The following ZNF292 variants were observed in gnomAD, a reference collection of about 807,000 sequenced individuals.
The protein encoded by ZNF292 is 16 zinc-finger domain protein.
In ZNF292, 26 loss-of-function variants were observed where a neutral mutation model predicts 217.9. That is an observed-to-expected ratio of 0.12 (90% CI 0.09 to 0.17). The LOEUF (loss-of-function observed/expected upper bound fraction) is 0.17. ZNF292 is among the 10% of genes least tolerant of loss of function. The probability of loss-of-function intolerance (pLI) is 1.00; values close to 1 mark genes in which losing one functional copy is unlikely to be tolerated. For missense variants in ZNF292, 2,904 were observed against 3,175.2 expected (o/e 0.91, Z 2.05); for synonymous variants, 1,257 against 1,124.1 (o/e 1.12, Z -2.37).
chr6:87,208,500 G>A (rs547072047), intron 1 of ZNF292, among the ~76,000 whole-genome samples: 1 of 151,638 alleles, frequency 6.6e-6, no homozygotes, highest in African/African-American at 2.4e-5. Flanking sequence ...GTTTTTGTTC[G>A]TAGATGTAAT....
Position 87,258,883 on chromosome 6 carries a change from A to T in ZNF292, c.5254A>T (p.Ile1752Leu). Reference protein sequence around the residue: ...SDLQISEDNVIQNFEKTLEII... With the variant: ...SDLQISEDNVLQNFEKTLEII... The stretch of plus-strand genomic sequence containing the variant: ...TTTGCAGATTTCTGAAGACAATGTT[A>T]TACAAAACTTTGAAAAGACTCTTGA... Residue 1752 changes from isoleucine (I) to leucine (L), a missense_variant, in exon 8 of 8, where the codon ATA becomes TTA. Ile to Leu is a conservative substitution (Grantham distance 5). Transcript: ENST00000369577. 1.9e-6 allele frequency: 3 copies of T among 1,607,544 alleles called. No homozygotes were observed. The highest frequency in any genetic ancestry group is 1.7e-6 in the Non-Finnish European group (2 of 1,176,310).
chr6:87,174,022 T>C, intron 1 of ZNF292: 1 of 260,328 alleles, frequency 3.8e-6, no homozygotes, highest in Non-Finnish European at 7.7e-6. Context: ...TCCTTGATCA[T>C]CATAAATATC....
At chr6:87,177,258 C>T (rs1032493764) in intron 1 of ZNF292, among the ~76,000 whole-genome samples, 3 of 150,302 alleles carry the variant, frequency 2.0e-5, no homozygotes, top group Admixed American at 1.3e-4. Flanking sequence ...ACCTGGGAGG[C>T]GGAGTTTGCA....
intron 1 of ZNF292, among the ~76,000 whole-genome samples, chr6:87,193,032 G>A (rs184612521): frequency 1.9e-3 from 289 of 152,268 alleles, no homozygotes; most frequent in African/African-American, 6.8e-3. Context: ...CATTCCTGTT[G>A]TCCCAGCTGG....
chr6:87,258,015 G>A lies in ZNF292; in HGVS notation c.4386G>A (p.Ser1462=), dbSNP rs374499276. Residue 1462 remains serine (S), a synonymous_variant, in exon 8 of 8, where the codon TCG becomes TCA. Coordinates refer to ENST00000369577, the MANE Select transcript of ZNF292 (RefSeq NM_015021.3). ...TACAGCTTCTTGCTGAAAATCGCTCGCCAGCATTTTTACCAAATACATTTC... is the reference window on the plus strand; with the variant it reads ...TACAGCTTCTTGCTGAAAATCGCTCACCAGCATTTTTACCAAATACATTTC... ...SFLQLLAENR[S]PAFLPNTFPR... 4.8e-5 allele frequency: 78 copies of A among 1,613,648 alleles called. No homozygotes were observed. Among genetic ancestry groups the A allele is most frequent in the East Asian group, 4.2e-4 (19 of 44,894 alleles).
intron 1 of ZNF292, among the ~76,000 whole-genome samples, chr6:87,203,599 G>C (rs185454361): frequency 1.9e-4 from 24 of 126,804 alleles, no homozygotes; most frequent in East Asian, 1.4e-3. Context: ...TATCTGCAAG[G>C]GGGGGTGGGG....
rs1773352153 is a variant in ZNF292, at chr6:87,226,570, T to C, written c.539-6755T>C. Among the ~76,000 whole-genome samples the C allele has an allele frequency of 2.0e-5, 3 of 150,074 alleles. No individual in the cohort carries two copies. In the East Asian group the frequency reaches 5.8e-4, roughly 29 times the overall value. On this transcript the variant is annotated intron_variant, in intron 4 of 7. Coordinates refer to ENST00000369577, the MANE Select transcript of ZNF292 (RefSeq NM_015021.3). ...TTTTCAGTTTTACTGAAAAGGATTT[T>C]TAAACGCACTCTTTGGTTTCTTAAA...
chr6:87,225,509 T>C (rs1379646515), intron 4 of ZNF292, among the ~76,000 whole-genome samples: 1 of 152,188 alleles, frequency 6.6e-6, no homozygotes, highest in Non-Finnish European at 1.5e-5. Flanking sequence ...ATTTTACATA[T>C]GGGTATATGA....
rs142832047 is a variant in ZNF292, at chr6:87,192,032, T to A, written c.169-23871T>A. ...TTTCTCATAAACATTTGCTTTGTGA[T>A]GGGGAAGCCTTTCTAAGGGTAACAC... is the stretch of plus-strand genomic sequence containing the variant. On this transcript the variant is annotated intron_variant, in intron 1 of 7. Transcript: ENST00000369577. Among the ~76,000 whole-genome samples the A allele has an allele frequency of 6.6e-5, 10 of 152,340 alleles. No homozygotes were observed. The East Asian group carries it at 1.9e-3, about 29-fold the overall frequency.
intron 1 of ZNF292, among the ~76,000 whole-genome samples, chr6:87,208,073 G>A (rs1409568440): frequency 3.3e-5 from 5 of 152,104 alleles, no homozygotes; most frequent in Admixed American, 6.5e-5. Flanking sequence ...AGTTACAATC[G>A]TTGGATATAA....
intron 1 of ZNF292, among the ~76,000 whole-genome samples, chr6:87,181,915 C>T (rs189877047): frequency 7.6e-4 from 116 of 152,262 alleles, no homozygotes; most frequent in Middle Eastern, 3.4e-3. Context: ...AACTCCTGAC[C>T]TCAGGTGATC....
chr6:87,181,370 C>G (rs1240449828), intron 1 of ZNF292, among the ~76,000 whole-genome samples: 1 of 152,182 alleles, frequency 6.6e-6, no homozygotes, highest in African/African-American at 2.4e-5. Flanking sequence ...TATTCAGGTG[C>G]CTCTTTCCTC....
chr6:87,217,914 T>C (rs1324924739), intron 3 of ZNF292, among the ~76,000 whole-genome samples: 3 of 151,076 alleles, frequency 2.0e-5, no homozygotes, highest in Non-Finnish European at 2.9e-5. Flanking sequence ...TAAACATTTC[T>C]TTACCCAGAG....
Position 87,168,064 on chromosome 6 carries a change from C to T in ZNF292, c.168+12305C>T, listed in dbSNP as rs573883847. ...CTAATTTCCATAATCTGCAAATGGG[C>T]GGAACCTTGGAGTTAGAGGCAAGAC... On this transcript the variant is annotated intron_variant, in intron 1 of 7. Coordinates refer to ENST00000369577, the MANE Select transcript of ZNF292 (RefSeq NM_015021.3). Among the ~76,000 whole-genome samples the T allele has an allele frequency of 1.7e-4, 26 of 152,196 alleles. No homozygotes were observed. The South Asian group carries it at 4.6e-3, about 27-fold the overall frequency.
intron 2 of ZNF292, 38 bp from the exon 3 acceptor site, chr6:87,216,261 A>G (rs1479394404): frequency 6.6e-7 from 1 of 1,509,118 alleles, no homozygotes; most frequent in African/African-American, 1.4e-5. Flanking sequence ...TTGAATTTTA[A>G]TAATTATTCC....
At chr6:87,247,857 C>T (rs950908766) in intron 7 of ZNF292, among the ~76,000 whole-genome samples, 15 of 152,054 alleles carry the variant, frequency 9.9e-5, no homozygotes, top group East Asian at 7.7e-4. Flanking sequence ...CCAAGCAGAT[C>T]GTAAAAAGAG....
At chr6:87,221,147 C>A (rs1773065777) in intron 4 of ZNF292, among the ~76,000 whole-genome samples, 1 of 152,124 alleles carries the variant, frequency 6.6e-6, no homozygotes, top group African/African-American at 2.4e-5. Flanking sequence ...CTGAGAAATA[C>A]TCTTTGATTT....
chr6:87,207,682 G>A (rs1416955293), intron 1 of ZNF292, among the ~76,000 whole-genome samples: 2 of 152,044 alleles, frequency 1.3e-5, no homozygotes, highest in Non-Finnish European at 2.9e-5. Flanking sequence ...GTAAATTATT[G>A]TATTTTTTTC....
chr6:87,184,974 A>G (rs1562128145), intron 1 of ZNF292, among the ~76,000 whole-genome samples: 3 of 152,234 alleles, frequency 2.0e-5, no homozygotes, highest in Non-Finnish European at 1.5e-5. Context: ...CAGTGAGGTC[A>G]GATCTTCCCT....
Sources: allele counts gnomAD v4.1 joint callset (sites outside exome capture counted in the v4.1 genomes callset), GRCh38; gene constraint gnomAD v4.1.1; transcripts MANE v1.5; gene names NCBI Gene and HGNC (gene_info 2026-07-23, HGNC 2026-07-21).